SPIDR: variants seen among roughly 807,000 people sequenced by gnomAD.
SPIDR encodes the protein DNA repair-scaffolding protein.
Under a neutral mutation model 104.6 loss-of-function variants are expected in SPIDR, and 93 were observed. The observed-to-expected ratio is 0.89, with a 90% CI of 0.75 to 1.06. The LOEUF is 1.06. SPIDR is among the 50% of genes least tolerant of loss of function. The probability of loss-of-function intolerance (pLI) is 0.00; values close to 1 mark genes in which losing one functional copy is unlikely to be tolerated. For synonymous variants in SPIDR, 431 were observed against 416.9 expected, an observed-to-expected ratio of 1.03 and a Z score of -0.41; for missense variants, 1,154 against 1,111.2, an observed-to-expected ratio of 1.04 and a Z score of -0.55.
At chr8:47,293,463 T>C (rs1191932948) in intron 4 of SPIDR, among the ~76,000 whole-genome samples, 3 of 152,078 alleles carry the variant, frequency 2.0e-5, no homozygotes, top group African/African-American at 7.2e-5. Context: ...TAAATTTTTT[T>C]TGAGACAGAG....
rs527918814 is a variant in SPIDR at position 47,348,767 on chromosome 8, C to T, written c.526-47609C>T. ...GCTGCTGAAGCTTGTGCATGCGTCA[C>T]GTAGTTCTCGTGCCGTGGCTTTCAG... On this transcript the variant is annotated intron_variant, in intron 5 of 19. Coordinates refer to ENST00000297423, the MANE Select transcript of SPIDR (RefSeq NM_001080394.4). 3.9e-5 allele frequency among the ~76,000 whole-genome samples: 6 copies of T among 152,282 alleles called. No homozygotes were observed. The South Asian group carries it at 8.3e-4, about 21-fold the overall frequency.
intron 7 of SPIDR, among the ~76,000 whole-genome samples, chr8:47,435,614 T>A (rs2068162098): frequency 6.6e-6 from 1 of 152,216 alleles, no homozygotes; most frequent in African/African-American, 2.4e-5. Context: ...GTATTTGTGG[T>A]CTCCATTTGA....
chr8:47,710,352 A>T (rs2081676529), intron 14 of SPIDR, among the ~76,000 whole-genome samples: 1 of 152,204 alleles, frequency 6.6e-6, no homozygotes, highest in Non-Finnish European at 1.5e-5. Flanking sequence ...AGATTGAAAG[A>T]GAGACCACTG....
At chr8:47,626,083 G>A (rs1306913995) in intron 10 of SPIDR, among the ~76,000 whole-genome samples, 90 of 152,064 alleles carry the variant, frequency 5.9e-4, no homozygotes, top group Non-Finnish European at 7.5e-4. Context: ...AAATAATGCC[G>A]CATATCTACA....
At chr8:47,484,200 G>A (rs2154362901) in intron 8 of SPIDR, among the ~76,000 whole-genome samples, 1 of 152,314 alleles carries the variant, frequency 6.6e-6, no homozygotes, top group Non-Finnish European at 1.5e-5. Flanking sequence ...GAAGTTGCAG[G>A]TGTAATTTTC....
chr8:47,650,636 C>T (rs567931846), intron 10 of SPIDR, among the ~76,000 whole-genome samples: 55 of 152,190 alleles, frequency 3.6e-4, no homozygotes, highest in Admixed American at 5.2e-4. Context: ...AAAAAAGAGC[C>T]TGAATAGCCA....
intron 17 of SPIDR, among the ~76,000 whole-genome samples, chr8:47,727,703 T>G (rs1223086453): frequency 6.6e-6 from 1 of 152,248 alleles, no homozygotes; most frequent in African/African-American, 2.4e-5. Flanking sequence ...CCCACTATGC[T>G]GCCCTCCCTC....
At chr8:47,391,151 A>G (rs569498395) in intron 5 of SPIDR, among the ~76,000 whole-genome samples, 1 of 152,208 alleles carries the variant, frequency 6.6e-6, no homozygotes, top group South Asian at 2.1e-4. Context: ...GGGGTTATGG[A>G]CGTGGGGGAT....
intron 8 of SPIDR, among the ~76,000 whole-genome samples, chr8:47,562,549 A>T (rs917317634): frequency 1.3e-5 from 2 of 152,172 alleles, no homozygotes; most frequent in African/African-American, 4.8e-5. Context: ...CTCCACCTCA[A>T]AGTCAGCGGA....
intron 1 of SPIDR, among the ~76,000 whole-genome samples, chr8:47,272,683 T>C (rs1433151581): frequency 2.6e-5 from 4 of 152,102 alleles, no homozygotes; most frequent in Admixed American, 2.0e-4. Flanking sequence ...GGCACGTGCG[T>C]AGTGATGCAG....
At chr8:47,709,690 A>G (rs1020106946) in intron 14 of SPIDR, among the ~76,000 whole-genome samples, 7 of 152,238 alleles carry the variant, frequency 4.6e-5, no homozygotes, top group African/African-American at 1.7e-4. Flanking sequence ...GACTTTGTTC[A>G]TAACCCCAAT....
chr8:47,425,006 T>G (rs782118422), intron 7 of SPIDR, among the ~76,000 whole-genome samples: 1 of 152,222 alleles, frequency 6.6e-6, no homozygotes, highest in Non-Finnish European at 1.5e-5. Context: ...AGATACTTTA[T>G]TTTTGAAATT....
chr8:47,331,989 C>CTTTTTTTTTTT (rs1289524835), intron 5 of SPIDR, among the ~76,000 whole-genome samples: 2 of 36,322 alleles, frequency 5.5e-5, no homozygotes, highest in East Asian at 9.2e-4. Context: ...TTTTTTTTCT[C>CTTTTTTTTTTT]TTTTTTTTTT....
intron 10 of SPIDR, among the ~76,000 whole-genome samples, chr8:47,603,834 G>A (rs1487353383): frequency 6.6e-6 from 1 of 152,182 alleles, no homozygotes; most frequent in Non-Finnish European, 1.5e-5. Context: ...CAAAAAGCTG[G>A]AGAAATTCAC....
intron 10 of SPIDR, among the ~76,000 whole-genome samples, chr8:47,661,353 T>C (rs892399304): frequency 7.9e-5 from 12 of 152,212 alleles, no homozygotes; most frequent in African/African-American, 2.9e-4. Flanking sequence ...CCACCAACCA[T>C]GCTCAGTGCT....
intron 10 of SPIDR, among the ~76,000 whole-genome samples, chr8:47,656,945 T>G (rs1379641099): frequency 6.6e-6 from 1 of 152,178 alleles, no homozygotes; most frequent in Admixed American, 6.5e-5. Flanking sequence ...TTATGTGAAA[T>G]AACTAGAACA....
At chr8:47,535,701 G>A (rs764775133) in intron 8 of SPIDR, among the ~76,000 whole-genome samples, 14 of 151,856 alleles carry the variant, frequency 9.2e-5, no homozygotes, top group Non-Finnish European at 1.8e-4. Context: ...AAAAAAAATA[G>A]TCAGCAAACT....
chr8:47,527,722 C>G (rs960409634), intron 8 of SPIDR: 2 of 152,206 alleles, frequency 1.3e-5, no homozygotes, highest in Admixed American at 6.5e-5. Context: ...CCCACTGGCA[C>G]CAGTCTTGGT....
chr8:47,387,172 A>G (rs183321006), intron 5 of SPIDR, among the ~76,000 whole-genome samples: 1 of 152,312 alleles, frequency 6.6e-6, no homozygotes, highest in Admixed American at 6.5e-5. Flanking sequence ...GCAGGGAAGA[A>G]TATAGTGTAG....
Sources: allele counts gnomAD v4.1 joint callset (sites outside exome capture counted in the v4.1 genomes callset), GRCh38; gene constraint gnomAD v4.1.1; transcripts MANE v1.5; gene names NCBI Gene and HGNC (gene_info 2026-07-23, HGNC 2026-07-21).